ABLIM1: variants seen among roughly 807,000 people sequenced by gnomAD.
The protein encoded by ABLIM1 is actin-binding LIM protein 1.
Under a neutral mutation model 107.0 loss-of-function variants are expected in ABLIM1, and 40 were observed. The ratio of observed to expected loss-of-function variants is 0.37; its 90% confidence interval spans 0.29 to 0.49. The LOEUF (loss-of-function observed/expected upper bound fraction) is 0.49. Among genes scored for constraint, ABLIM1 ranks in the 20% least tolerant of loss-of-function variants. The pLI is 0.97. For synonymous variants in ABLIM1, 357 were observed against 357.3 expected, an observed-to-expected ratio of 1.00 and a Z score of 0.01; for missense variants, 857 against 1,008.5, an observed-to-expected ratio of 0.85 and a Z score of 2.04.
intron 7 of ABLIM1, among the ~76,000 whole-genome samples, chr10:114,491,311 T>C (rs1344796529): frequency 1.3e-5 from 2 of 152,040 alleles, no homozygotes; most frequent in Admixed American, 1.3e-4. Context: ...TCATCAAATA[T>C]GAGATTTTCT....
At chr10:114,684,295 T>A in exon 1 of ABLIM1, 1 of 1,613,916 alleles carries the variant, frequency 6.2e-7, no homozygotes, top group African/African-American at 1.3e-5. Flanking sequence ...CTAACCTTTG[T>A]AGTCTCCCAT....
chr10:114,646,808 A>T (rs1451322827), intron 1 of ABLIM1, among the ~76,000 whole-genome samples: 1 of 152,142 alleles, frequency 6.6e-6, no homozygotes, highest in South Asian at 2.1e-4. Context: ...AATGTGTTGG[A>T]TCCTGTTTGC....
At chr10:114,510,813 G>A (rs76943388) in intron 6 of ABLIM1, among the ~76,000 whole-genome samples, 3,738 of 151,774 alleles carry the variant, frequency 0.025, 221 homozygotes, top group African/African-American at 0.087. Context: ...ACCATTCCCA[G>A]CTAACTTTTT....
At chr10:114,784,349 A>AAAAGAAAGAAAGAAAGAAAGAAAGAAAG in the ABLIM1 span, among the ~76,000 whole-genome samples, 86 of 131,946 alleles carry the variant, frequency 6.5e-4, 3 homozygotes, top group African/African-American at 3.0e-3. Flanking sequence ...CTGTCTCAAA[A>AAAAGAAAGAAAGAAAGAAAGAAAGAAAG]AAAGAAAGAA....
chr10:114,641,183 C>G (rs936668553), intron 1 of ABLIM1, among the ~76,000 whole-genome samples: 1 of 149,676 alleles, frequency 6.7e-6, no homozygotes, highest in Non-Finnish European at 1.5e-5. Context: ...AATTTAGACC[C>G]CCTCCTGATA....
the ABLIM1 span, among the ~76,000 whole-genome samples, chr10:114,798,556 A>ACCCCC: frequency 1.3e-4 from 16 of 126,026 alleles, no homozygotes; most frequent in African/African-American, 4.9e-4. Flanking sequence ...AGATGATGAG[A>ACCCCC]CCCCCCCCCC....
At chr10:114,493,178 T>C (rs1357837293) in intron 6 of ABLIM1, among the ~76,000 whole-genome samples, 1 of 152,148 alleles carries the variant, frequency 6.6e-6, no homozygotes, top group Non-Finnish European at 1.5e-5. Context: ...TGAAGTCAAA[T>C]GTGAGCAGAA....
intron 1 of ABLIM1, among the ~76,000 whole-genome samples, chr10:114,715,377 A>C (rs982381506): frequency 6.6e-6 from 1 of 152,222 alleles, no homozygotes; most frequent in Non-Finnish European, 1.5e-5. Context: ...TTTCCAAGTA[A>C]AATCAGTTGC....
chr10:114,704,296 CTCTCTCTATATATATATA>C (rs1316554205), intron 1 of ABLIM1, among the ~76,000 whole-genome samples: 6 of 28,864 alleles, frequency 2.1e-4, no homozygotes, highest in African/African-American at 7.5e-4. Context: ...CTCTCTCTCT[CTCTCTCTATATATATATA>C]TATATATATA....
chr10:114,621,991 G>A (rs771897490), intron 1 of ABLIM1, among the ~76,000 whole-genome samples: 22 of 152,258 alleles, frequency 1.4e-4, no homozygotes, highest in South Asian at 4.1e-4. Context: ...CTCGTCCTGC[G>A]GACTCCAATC....
intron 6 of ABLIM1, among the ~76,000 whole-genome samples, chr10:114,500,089 A>C (rs1395752335): frequency 6.6e-6 from 1 of 152,208 alleles, no homozygotes; most frequent in African/African-American, 2.4e-5. Flanking sequence ...GCTCTATACA[A>C]GTCTGTGCAA....
chr10:114,733,628 T>C (rs2082120964), intron 1 of ABLIM1, among the ~76,000 whole-genome samples: 1 of 152,132 alleles, frequency 6.6e-6, no homozygotes, highest in Admixed American at 6.6e-5. Context: ...AGGTAGTGCC[T>C]GGGGAAATCA....
chr10:114,609,686 C>T (rs1591568393), intron 1 of ABLIM1, among the ~76,000 whole-genome samples: 1 of 152,328 alleles, frequency 6.6e-6, no homozygotes, highest in African/African-American at 2.4e-5. Context: ...CCTAATAACA[C>T]TATAGGGACA....
intron 2 of ABLIM1, 77 bp from the exon 3 acceptor site, chr10:114,575,676 T>C: frequency 2.8e-6 from 4 of 1,433,800 alleles, no homozygotes; most frequent in Non-Finnish European, 3.8e-6. Flanking sequence ...GAATACTGAC[T>C]GGTTGCTCAC....
At chr10:114,543,584 T>G (rs2066952892) in intron 6 of ABLIM1, among the ~76,000 whole-genome samples, 1 of 152,236 alleles carries the variant, frequency 6.6e-6, no homozygotes, top group African/African-American at 2.4e-5. Context: ...TGAATAGGGC[T>G]GCTGTGAACG....
chr10:114,716,766 A>C, intron 1 of ABLIM1, among the ~76,000 whole-genome samples: 1 of 151,144 alleles, frequency 6.6e-6, no homozygotes, highest in East Asian at 2.0e-4. Flanking sequence ...TTCAATATTG[A>C]GTTCATGCTA....
chr10:114,610,090 TG>T (rs1488552837), intron 1 of ABLIM1, among the ~76,000 whole-genome samples: 8 of 152,184 alleles, frequency 5.3e-5, no homozygotes, highest in Non-Finnish European at 1.0e-4. Flanking sequence ...GGCTCAGAAC[TG>T]GTGAATGCCC....
chr10:114,472,790 T>C (rs61202464), intron 10 of ABLIM1, among the ~76,000 whole-genome samples, 187 bp downstream of exon 10: 2,284 of 151,166 alleles, frequency 0.015, 53 homozygotes, highest in African/African-American at 0.053. Flanking sequence ...TGATGTGCCA[T>C]TGTTCTGTTC....
intron 6 of ABLIM1, among the ~76,000 whole-genome samples, chr10:114,507,270 G>C (rs2135850346): frequency 6.6e-6 from 1 of 152,282 alleles, no homozygotes; most frequent in South Asian, 2.1e-4. Context: ...ACTGGGAACA[G>C]TGAGGAGTGG....
Sources: allele counts gnomAD v4.1 joint callset (sites outside exome capture counted in the v4.1 genomes callset), GRCh38; gene constraint gnomAD v4.1.1; transcripts MANE v1.5; gene names NCBI Gene and HGNC (gene_info 2026-07-23, HGNC 2026-07-21).